PDAP1: variants seen among roughly 807,000 people sequenced by gnomAD.
PDAP1 encodes 28 kDa heat- and acid-stable phosphoprotein.
PDAP1 carries 13 observed loss-of-function variants against 28.0 expected under a neutral mutation model. That is an observed-to-expected ratio of 0.46 (90% CI 0.30 to 0.74). The LOEUF is 0.74. PDAP1 is among the 30% of genes least tolerant of loss of function. The probability of loss-of-function intolerance (pLI) is 0.07; values close to 1 mark genes in which losing one functional copy is unlikely to be tolerated. For missense variants in PDAP1, 150 were observed against 230.0 expected (o/e 0.65, Z 2.25); for synonymous variants, 77 against 85.1 (o/e 0.91, Z 0.52).
chr7:99,399,864 G>C (rs1045823442), intron 4 of PDAP1, among the ~76,000 whole-genome samples: 3 of 152,232 alleles, frequency 2.0e-5, no homozygotes, highest in Non-Finnish European at 4.4e-5. Context: ...AGGACTTGCA[G>C]AGGCCTGGGA....
rs1794733098 is a variant in PDAP1 at position 99,395,365 on chromosome 7, G to C, written c.*1317C>G. 1 of 152,194 alleles carries C rather than the reference G, an allele frequency of 6.6e-6. No homozygotes were observed. Among genetic ancestry groups the C allele is most frequent in the Non-Finnish European group, 1.5e-5 (1 of 68,068 alleles). The allele number at this position is 152,194 out of a possible 1,614,324, so 9.4% of individuals were successfully genotyped here. A position where few individuals can be genotyped will look rare whatever the true frequency, so the allele number is the denominator to read the frequency against. On this transcript the variant is annotated 3_prime_UTR_variant, in exon 6 of 6. Transcript: ENST00000350498. ...GGAGTTTCTCCATGTTGGCCAGGCT[G>C]GTCTTGAACTCCTGACCTCAGATGA...
Position 99,396,677 on chromosome 7 carries a change from C to G in PDAP1, c.*5G>C. ...GTCCCCGGCATCTCCTCCCACGGGT[C>G]GCAGTTACTTATTCAGGGAGAGTGA... On this transcript the variant is annotated 3_prime_UTR_variant, in exon 6 of 6. Coordinates refer to ENST00000350498, the MANE Select transcript of PDAP1 (RefSeq NM_014891.7). 4 of 1,610,370 alleles carry G rather than the reference C, an allele frequency of 2.5e-6. No individual in the cohort carries two copies. Among genetic ancestry groups the G allele is most frequent in the Non-Finnish European group, 3.4e-6 (4 of 1,178,424 alleles).
In PDAP1 at chr7:99,404,940, G is replaced by A. The variant is rs746638958; in HGVS notation, c.27C>T (p.Gly9=). The change falls in exon 2 of 6, where the codon GGC becomes GGT. Residue 9 remains glycine (G), a synonymous_variant. Transcript: ENST00000350498. ...TATACTGCCTCGCCCGGCCTTTGTG[G>A]CCTCCCTTTCTTCCTGCAGAGACCC... is the stretch of plus-strand genomic sequence containing the variant. MPKGGRKG[G]HKGRARQYTS... The A allele has an allele frequency of 1.3e-5, 21 of 1,613,710 alleles. No individual in the cohort carries two copies. The highest frequency in any genetic ancestry group is 1.5e-5 in the Non-Finnish European group (18 of 1,179,810).
In PDAP1 at chr7:99,400,515, T is replaced by A. The variant is rs957768511; in HGVS notation, c.214-91A>T. ...GCCATCTCTCAACAGCCCATCTGGA[T>A]GAGGACAAACTCCTGCTCCACCCCA... On this transcript the variant is annotated intron_variant, in intron 3 of 5. Transcript: ENST00000350498. The A allele has an allele frequency of 1.3e-5, 19 of 1,486,350 alleles. 1 individual carries two copies. In the South Asian group the frequency reaches 2.3e-4, roughly 18 times the overall value. The allele number at this position is 1,486,350 out of a possible 1,614,324, so 92.1% of individuals were successfully genotyped here.
chr7:99,403,297 G>A (rs1222428828), intron 3 of PDAP1, 101 bp downstream of exon 3: 21 of 729,646 alleles, frequency 2.9e-5, no homozygotes, highest in African/African-American at 5.2e-5. Flanking sequence ...GAGCAAGGAC[G>A]TTGTCTGCAT....
intron 1 of PDAP1, chr7:99,406,636 C>T (rs1211433656): frequency 1.0e-6 from 1 of 984,384 alleles, no homozygotes; most frequent in Non-Finnish European, 1.2e-6. Context: ...AGGTGGCATC[C>T]CCCTCTGCTG....
intron 5 of PDAP1, among the ~76,000 whole-genome samples, chr7:99,396,952 T>C (rs1008386758): frequency 5.9e-5 from 9 of 152,068 alleles, no homozygotes; most frequent in African/African-American, 1.9e-4. Context: ...CAGACCACCT[T>C]ATAGAAAGCT....
At position 99,396,036 on chromosome 7, in the gene PDAP1, G is replaced by T. The variant is rs1044130; in HGVS notation, c.*646C>A. 36 of 152,998 alleles carry T rather than the reference G, an allele frequency of 2.4e-4. No individual in the cohort carries two copies. Among genetic ancestry groups the T allele is most frequent in the African/African-American group, 7.5e-4 (31 of 41,464 alleles). 9.5% of individuals were successfully genotyped at this position (152,998 alleles called of 1,614,324 possible). ...CAAATATACAAGTTGAATTTGTGGAGCATGTTTTGCCTGGGTGCCACACAG... is the reference window on the plus strand; with the variant it reads ...CAAATATACAAGTTGAATTTGTGGATCATGTTTTGCCTGGGTGCCACACAG... On this transcript the variant is annotated 3_prime_UTR_variant, in exon 6 of 6. Coordinates refer to ENST00000350498, the MANE Select transcript of PDAP1 (RefSeq NM_014891.7).
intron 1 of PDAP1, among the ~76,000 whole-genome samples, chr7:99,406,153 A>G (rs998510402): frequency 1.3e-5 from 2 of 152,132 alleles, no homozygotes; most frequent in African/African-American, 2.4e-5. Context: ...GGAGGCTGAG[A>G]AAGGAGAATC....
Position 99,397,904 on chromosome 7 carries a change from G to A in PDAP1, c.445C>T (p.Gln149Ter). Reference protein sequence around the residue: ...DLARLAIIRKQREEAARKKEE... With the variant: ...DLARLAIIRK ...TTCTTCCGGGCAGCCTCCTCCCGCT[G>A]TTTCCGGATGATGGCCAGCCGGGCC... The change falls in exon 5 of 6, where the codon CAG (glutamine) becomes TAG (stop). Residue 149 changes from glutamine (Q) to a stop codon, truncating the protein, a stop_gained. Transcript: ENST00000350498. LOFTEE classifies it high-confidence loss of function. The A allele has an allele frequency of 6.2e-7, 1 of 1,613,906 alleles. No homozygotes were observed. The highest frequency in any genetic ancestry group is 1.7e-4 in the Middle Eastern group (1 of 5,780).
At position 99,397,967 on chromosome 7, in the gene PDAP1, G is replaced by C; in HGVS notation, c.382C>G (p.His128Asp). 1 of 1,614,246 alleles carries C rather than the reference G, an allele frequency of 6.2e-7. No homozygotes were observed. Among genetic ancestry groups the C allele is most frequent in the Non-Finnish European group, 8.5e-7 (1 of 1,180,030 alleles). Residue 128 changes from histidine to aspartate, a missense_variant, in exon 5 of 6, where the codon CAC becomes GAC. Coordinates refer to ENST00000350498, the MANE Select transcript of PDAP1 (RefSeq NM_014891.7). ...QKAKERYMKM[H>D]LAGKTEQAKA... ...GCTTGCTCTGTCTTCCCGGCCAAGT[G>C]CATTTTCATGTAACGCTCTTTTGCC...
In PDAP1 at chr7:99,399,799, G is replaced by C. The variant is rs961508631; in HGVS notation, c.335+504C>G. On this transcript the variant is annotated intron_variant, in intron 4 of 5. Coordinates refer to ENST00000350498, the MANE Select transcript of PDAP1 (RefSeq NM_014891.7). ...TCCTGTGCCAGGCACTTCAGTACAT[G>C]ATCTTGATCCTCATACGACTCTTGA... Among the ~76,000 whole-genome samples, 14 of 152,344 alleles carry C rather than the reference G, an allele frequency of 9.2e-5. No homozygotes were observed. In the South Asian group the frequency reaches 2.9e-3, roughly 32 times the overall value.
At chr7:99,404,192 G>T (rs183913297) in intron 2 of PDAP1, among the ~76,000 whole-genome samples, 40 of 152,206 alleles carry the variant, frequency 2.6e-4, no homozygotes, top group African/African-American at 7.7e-4. Flanking sequence ...TTCCCTTCTT[G>T]AGACTCCTGG....
At chr7:99,400,128 G>GT (rs1380535578) in intron 4 of PDAP1, among the ~76,000 whole-genome samples, 175 bp downstream of exon 4, 1 of 152,230 alleles carries the variant, frequency 6.6e-6, no homozygotes, top group Non-Finnish European at 1.5e-5. Context: ...CTGATATCAT[G>GT]TATCAATTGG....
chr7:99,401,362 C>T (rs535522612), intron 3 of PDAP1, among the ~76,000 whole-genome samples: 5 of 152,100 alleles, frequency 3.3e-5, no homozygotes, highest in Non-Finnish European at 7.4e-5. Flanking sequence ...GAGTTTCCCT[C>T]TTCTTGCCCA....
rs536111554 is a variant in PDAP1 at position 99,407,248 on chromosome 7, C to G, written c.13+1288G>C. On this transcript the variant is annotated intron_variant, in intron 1 of 5. Transcript: ENST00000350498. ...TCTACCCCAAAAAGCTTTTCACAAGCCCAAAGACCATTTAGCTATGAATTC... is the reference window on the plus strand; with the variant it reads ...TCTACCCCAAAAAGCTTTTCACAAGGCCAAAGACCATTTAGCTATGAATTC... Among the ~76,000 whole-genome samples the G allele has an allele frequency of 7.9e-5, 12 of 152,280 alleles. No individual in the cohort carries two copies. In the Middle Eastern group the frequency reaches 0.01, roughly 129 times the overall value.
intron 4 of PDAP1, 22 bp downstream of exon 4, chr7:99,400,281 A>AGCC: frequency 6.2e-7 from 1 of 1,612,518 alleles, no homozygotes; most frequent in Non-Finnish European, 8.5e-7. Flanking sequence ...CCCGTGACAC[A>AGCC]AGGCCCAGCC....
chr7:99,397,815 A>G, intron 5 of PDAP1, 47 bp downstream of exon 5: 1 of 1,596,450 alleles, frequency 6.3e-7, no homozygotes, highest in Non-Finnish European at 8.5e-7. Flanking sequence ...TGGCTGGCCC[A>G]GGACCAGAGT....
At chr7:99,398,357 A>G (rs1246766596) in intron 4 of PDAP1, among the ~76,000 whole-genome samples, 1 of 152,176 alleles carries the variant, frequency 6.6e-6, no homozygotes, top group Non-Finnish European at 1.5e-5. Flanking sequence ...TGTTCCAGAG[A>G]AGATGACCAG....
Sources: gnomAD v4.1 joint callset for allele counts (sites outside exome capture counted in the v4.1 genomes callset) on GRCh38, gnomAD v4.1.1 for gene constraint, MANE v1.5 for transcripts, NCBI Gene and HGNC (gene_info 2026-07-23, HGNC 2026-07-21) for gene names.